EFCAB6: variants seen among roughly 807,000 people sequenced by gnomAD.
EFCAB6 encodes the protein EF-hand calcium-binding domain-containing protein 6.
A neutral mutation model predicts 169.8 loss-of-function variants in EFCAB6; 156 were observed. That is an observed-to-expected ratio of 0.92 (90% CI 0.81 to 1.05). EFCAB6 has a LOEUF of 1.05. EFCAB6 is among the 50% of genes least tolerant of loss of function. The probability of loss-of-function intolerance (pLI) is 0.00; values close to 1 mark genes in which losing one functional copy is unlikely to be tolerated. For synonymous variants in EFCAB6, 698 were observed against 676.4 expected (o/e 1.03, Z -0.50); for missense variants, 1,800 against 1,829.1 (o/e 0.98, Z 0.29).
At chr22:43,775,737 C>G (rs2061619765) in intron 3 of EFCAB6, among the ~76,000 whole-genome samples, 1 of 152,226 alleles carries the variant, frequency 6.6e-6, no homozygotes, top group Non-Finnish European at 1.5e-5. Context: ...AGCCACCGCA[C>G]CCGGCCATGC....
chr22:43,766,481 C>T (rs1462368257), intron 4 of EFCAB6, among the ~76,000 whole-genome samples: 1 of 152,104 alleles, frequency 6.6e-6, no homozygotes, highest in East Asian at 1.9e-4. Context: ...GGTATATGGG[C>T]ATTATTTGTA....
At chr22:43,637,804 C>T (rs567891302) in intron 17 of EFCAB6, among the ~76,000 whole-genome samples, 18 of 152,294 alleles carry the variant, frequency 1.2e-4, no homozygotes, top group African/African-American at 2.4e-4. Flanking sequence ...CCGTGGCCCC[C>T]GCAGAAGCAC....
At chr22:43,644,997 T>C (rs565678156) in intron 17 of EFCAB6, among the ~76,000 whole-genome samples, 1 of 152,362 alleles carries the variant, frequency 6.6e-6, no homozygotes, top group Non-Finnish European at 1.5e-5. Context: ...AAGCAACTTT[T>C]CCATGCTCTT....
intron 15 of EFCAB6, among the ~76,000 whole-genome samples, chr22:43,670,966 A>G (rs866401658): frequency 1.3e-5 from 2 of 152,166 alleles, no homozygotes; most frequent in South Asian, 4.1e-4. Context: ...ATCTCATTTG[A>G]TCCTTATCAC....
At chr22:43,638,622 T>C (rs2055589152) in intron 17 of EFCAB6, among the ~76,000 whole-genome samples, 1 of 152,228 alleles carries the variant, frequency 6.6e-6, no homozygotes, top group African/African-American at 2.4e-5. Context: ...CCAGTTTGTG[T>C]GTGTGACACT....
At chr22:43,643,937 C>T (rs953593161) in intron 17 of EFCAB6, among the ~76,000 whole-genome samples, 2 of 151,982 alleles carry the variant, frequency 1.3e-5, no homozygotes, top group African/African-American at 4.8e-5. Flanking sequence ...CATTCTCCTG[C>T]CTCAGCCTCC....
At chr22:43,626,395 A>G (rs2054522416) in intron 20 of EFCAB6, 52 bp downstream of exon 20, 2 of 1,549,162 alleles carry the variant, frequency 1.3e-6, no homozygotes, top group East Asian at 4.6e-5. Context: ...TGGACGTCAC[A>G]GTGGCACGGG....
At chr22:43,807,064 C>G (rs759209749) in intron 2 of EFCAB6, among the ~76,000 whole-genome samples, 1 of 152,188 alleles carries the variant, frequency 6.6e-6, no homozygotes, top group Non-Finnish European at 1.5e-5. Flanking sequence ...CCCTGCTAGA[C>G]AATAAGTCCC....
chr22:43,703,028 C>T (rs1287390997), intron 10 of EFCAB6, among the ~76,000 whole-genome samples: 3 of 152,210 alleles, frequency 2.0e-5, no homozygotes, highest in Non-Finnish European at 2.9e-5. Context: ...CTGTGCATTT[C>T]TACTAGAGTA....
At chr22:43,722,403 C>T (rs189985474) in intron 8 of EFCAB6, among the ~76,000 whole-genome samples, 66 of 151,896 alleles carry the variant, frequency 4.3e-4, no homozygotes, top group Middle Eastern at 3.4e-3. Context: ...TGGTGGCATG[C>T]GCCTGTAATC....
At chr22:43,758,366 T>C (rs1454216745) in intron 5 of EFCAB6, among the ~76,000 whole-genome samples, 2 of 152,204 alleles carry the variant, frequency 1.3e-5, no homozygotes, top group African/African-American at 4.8e-5. Context: ...TTTAAAATCA[T>C]TTCAATTTTT....
chr22:43,725,187 C>T (rs2059682980), intron 8 of EFCAB6, among the ~76,000 whole-genome samples: 1 of 138,730 alleles, frequency 7.2e-6, no homozygotes, highest in South Asian at 2.3e-4. Context: ...GTTGCCCAGG[C>T]TGGAGTGCAA....
intron 26 of EFCAB6, 103 bp downstream of exon 26, chr22:43,576,194 G>A (rs1185244454): frequency 2.0e-6 from 2 of 975,690 alleles, no homozygotes; most frequent in Non-Finnish European, 1.4e-6. Flanking sequence ...TACATGAGGT[G>A]ATTGCCAATT....
Position 43,692,160 on chromosome 22 carries a change from A to G in EFCAB6, c.1032-4579T>C, listed in dbSNP as rs180671481. 9.8e-4 allele frequency among the ~76,000 whole-genome samples: 150 copies of G among 152,294 alleles called. 1 individual carries two copies. Among genetic ancestry groups the G allele is most frequent in the African/African-American group, 2.9e-3 (121 of 41,572 alleles). ...TCTCCTGCTCAGAATATATACTCAA[A>G]ATAGCTTAGCTAAACACAAAAGATC... is the stretch of plus-strand genomic sequence containing the variant. On this transcript the variant is annotated intron_variant, in intron 10 of 31. Coordinates refer to ENST00000262726, the MANE Select transcript of EFCAB6 (RefSeq NM_022785.4).
intron 3 of EFCAB6, among the ~76,000 whole-genome samples, chr22:43,773,912 G>T (rs1330889389): frequency 1.3e-5 from 2 of 152,172 alleles, no homozygotes; most frequent in Non-Finnish European, 2.9e-5. Flanking sequence ...TTTTTGGAAG[G>T]AAAGGAATAA....
At chr22:43,613,757 C>G (rs886197400) in intron 21 of EFCAB6, among the ~76,000 whole-genome samples, 2 of 152,076 alleles carry the variant, frequency 1.3e-5, no homozygotes, top group African/African-American at 4.8e-5. Context: ...ATCCCTGAAC[C>G]TAAAATAAAA....
intron 22 of EFCAB6, among the ~76,000 whole-genome samples, chr22:43,603,403 G>A (rs960616947): frequency 6.6e-6 from 1 of 152,202 alleles, no homozygotes; most frequent in Non-Finnish European, 1.5e-5. Context: ...CAATAGATGT[G>A]CCAGGAAAAA....
At chr22:43,539,431 C>T (rs1359370522) in intron 28 of EFCAB6, among the ~76,000 whole-genome samples, 1 of 152,238 alleles carries the variant, frequency 6.6e-6, no homozygotes, top group Non-Finnish European at 1.5e-5. Context: ...AGTAGGTGTG[C>T]AATAAACTTG....
intron 16 of EFCAB6, 122 bp from the exon 17 acceptor site, chr22:43,667,394 T>C (rs1253507349): frequency 1.6e-6 from 2 of 1,260,788 alleles, no homozygotes; most frequent in Admixed American, 4.6e-5. Flanking sequence ...CTCGGTTCAC[T>C]AGCTGGGAAG....
Sources: gnomAD v4.1 joint callset for allele counts (sites outside exome capture counted in the v4.1 genomes callset) on GRCh38, gnomAD v4.1.1 for gene constraint, MANE v1.5 for transcripts, NCBI Gene and HGNC (gene_info 2026-07-23, HGNC 2026-07-21) for gene names.